The following VPS45 variants were observed in gnomAD, a reference collection of about 807,000 sequenced individuals.
The protein encoded by VPS45 is vacuolar protein sorting 45 homolog.
Under a neutral mutation model 75.9 loss-of-function variants are expected in VPS45, and 35 were observed. The observed-to-expected ratio is 0.46, with a 90% CI of 0.35 to 0.61. The LOEUF is 0.61. VPS45 is among the 20% of genes least tolerant of loss of function. The pLI, the probability that VPS45 is intolerant of heterozygous loss-of-function variation, is 0.00. For synonymous variants in VPS45, 220 were observed against 238.2 expected, an observed-to-expected ratio of 0.92 and a Z score of 0.70; for missense variants, 559 against 685.9, an observed-to-expected ratio of 0.81 and a Z score of 2.07.
At chr1:150,103,956 A>T (rs1387574682) in intron 13 of VPS45, among the ~76,000 whole-genome samples, 2 of 152,186 alleles carry the variant, frequency 1.3e-5, no homozygotes, top group Non-Finnish European at 2.9e-5. Context: ...TCATTTATTT[A>T]CTTAAGTAAA....
At chr1:150,081,585 TA>T (rs1352635784) in intron 8 of VPS45, 109 bp downstream of exon 8, 7 of 1,275,176 alleles carry the variant, frequency 5.5e-6, no homozygotes, top group Non-Finnish European at 6.5e-6. Flanking sequence ...GAAAGGATGA[TA>T]GGGGCATCCT....
Position 150,068,728 on chromosome 1 carries a change from A to T in VPS45, c.192A>T (p.Lys64Asn), listed in dbSNP as rs1441537795. The change falls in exon 2 of 15, where the codon AAA becomes AAT. Residue 64 changes from lysine to asparagine, a missense_variant. Transcript: ENST00000644510. ...ATTCTCAAAATCGAGAGATCATGAA[A>T]CACCTGAAGGCAATTTGTTTTCTTC... Reference protein sequence around the residue: ...RIDSQNREIMKHLKAICFLRP... With the variant: ...RIDSQNREIMNHLKAICFLRP... 1 of 1,612,650 alleles carries T rather than the reference A, an allele frequency of 6.2e-7. No individual in the cohort carries two copies. The highest frequency in any genetic ancestry group is 1.3e-5 in the African/African-American group (1 of 74,836).
intron 12 of VPS45, among the ~76,000 whole-genome samples, chr1:150,092,835 TTC>T (rs1571850669): frequency 1.0e-5 from 1 of 97,362 alleles, no homozygotes; most frequent in East Asian, 3.0e-4. Flanking sequence ...CTGCTAGCCT[TTC>T]TTTTTTTTTT....
intron 14 of VPS45, among the ~76,000 whole-genome samples, chr1:150,128,002 A>T (rs1317886655): frequency 1.3e-5 from 2 of 152,136 alleles, no homozygotes; most frequent in African/African-American, 4.8e-5. Context: ...TTGCTCTTTG[A>T]GTAAAAATGA....
rs782642796 is a variant in VPS45, at chr1:150,110,596, C to T, written c.1594C>T (p.Leu532=). The change falls in exon 14 of 15, where the codon CTG becomes TTG. Residue 532 remains leucine (L), a synonymous_variant. Transcript: ENST00000644510. Reference sequence around the variant, plus strand: ...CACCACTCCTGGAGTGAGGATTGTCCTGGGAGGCACCACAGTGCACAACAC... The same window carrying T: ...CACCACTCCTGGAGTGAGGATTGTCTTGGGAGGCACCACAGTGCACAACAC... The part of the protein sequence containing the change: ...NRTTPGVRIV[L]GGTTVHNTKS... 5 of 1,613,400 alleles carry T rather than the reference C, an allele frequency of 3.1e-6. No homozygotes were observed. The highest frequency in any genetic ancestry group is 4.2e-6 in the Non-Finnish European group (5 of 1,179,550).
Position 150,138,045 on chromosome 1 carries a change from C to T in VPS45, c.1626-6664C>T, listed in dbSNP as rs144246521. On this transcript the variant is annotated intron_variant, in intron 14 of 14. Transcript: ENST00000644510. ...GTGTTCTCTTTCATGGGAAAATTCT[C>T]CAAGAGTTGTTTACACTCACTGTCT... is the stretch of plus-strand genomic sequence containing the variant. Among the ~76,000 whole-genome samples the T allele has an allele frequency of 2.0e-3, 297 of 152,128 alleles. 1 individual carries two copies. Among genetic ancestry groups the T allele is most frequent in the African/African-American group, 7.0e-3 (290 of 41,518 alleles).
At chr1:150,067,500 A>T (rs1654782199), upstream of VPS45, 3 of 252,090 alleles carry the variant, frequency 1.2e-5, no homozygotes, top group East Asian at 2.2e-4. Flanking sequence ...CAGGTTCCTC[A>T]TTTCGCGAGG....
chr1:150,096,572 A>G (rs1305177551), intron 13 of VPS45, among the ~76,000 whole-genome samples: 1 of 152,196 alleles, frequency 6.6e-6, no homozygotes, highest in African/African-American at 2.4e-5. Flanking sequence ...AGTCACTGAC[A>G]ATCTTGAAAA....
chr1:150,110,690 C>A, intron 14 of VPS45, 63 bp downstream of exon 14: 1 of 1,473,290 alleles, frequency 6.8e-7, no homozygotes, highest in Non-Finnish European at 9.1e-7. Context: ...CTTAAATTCC[C>A]TTTATGTTGG....
At chr1:150,113,844 G>A (rs113897387) in intron 14 of VPS45, among the ~76,000 whole-genome samples, 16,097 of 151,940 alleles carry the variant, frequency 0.11, 1,198 homozygotes, top group Non-Finnish European at 0.17. Flanking sequence ...GCAGTGAGCC[G>A]AAATCATGCC....
chr1:150,094,595 G>A (rs1656521016), intron 13 of VPS45, among the ~76,000 whole-genome samples: 1 of 152,058 alleles, frequency 6.6e-6, no homozygotes, highest in Admixed American at 6.6e-5. Flanking sequence ...AGAACATTTG[G>A]TGTTAAATTC....
At chr1:150,110,683 A>T (rs1394743605) in intron 14 of VPS45, 56 bp downstream of exon 14, 15 of 1,507,790 alleles carry the variant, frequency 9.9e-6, no homozygotes, top group Admixed American at 2.0e-5. Flanking sequence ...GATAAAGCTT[A>T]AATTCCCTTT....
intron 10 of VPS45, among the ~76,000 whole-genome samples, chr1:150,083,666 A>G (rs748854388): frequency 1.3e-3 from 188 of 148,354 alleles, no homozygotes; most frequent in Non-Finnish European, 2.2e-3. Context: ...ATATATATAT[A>G]TATTTTCTAT....
chr1:150,100,981 A>G (rs1299049373), intron 13 of VPS45, among the ~76,000 whole-genome samples: 1 of 152,212 alleles, frequency 6.6e-6, no homozygotes, highest in Non-Finnish European at 1.5e-5. Context: ...AGCATCTATA[A>G]AGAACTTAAA....
At position 150,077,750 on chromosome 1, in the gene VPS45, G is replaced by C. The variant is rs1175122293; in HGVS notation, c.658G>C (p.Asp220His). The change falls in exon 7 of 15, where the codon GAT (aspartate) becomes CAT (histidine). Residue 220 changes from aspartate (D) to histidine (H), a missense_variant. Coordinates refer to ENST00000644510, the MANE Select transcript of VPS45 (RefSeq NM_007259.5). ...PPLLLILDRC[D>H]DAITPLLNQW... ...ATTGCTCCTTATTTTAGATCGCTGTGATGATGCCATCACCCCATTGCTAAA... is the reference window on the plus strand; with the variant it reads ...ATTGCTCCTTATTTTAGATCGCTGTCATGATGCCATCACCCCATTGCTAAA... 6 of 1,613,828 alleles carry C rather than the reference G, an allele frequency of 3.7e-6. No homozygotes were observed. The highest frequency in any genetic ancestry group is 5.1e-6 in the Non-Finnish European group (6 of 1,179,946).
intron 14 of VPS45, among the ~76,000 whole-genome samples, chr1:150,121,325 A>G (rs902660558): frequency 6.6e-6 from 1 of 152,158 alleles, no homozygotes; most frequent in Non-Finnish European, 1.5e-5. Context: ...AATTACAGAG[A>G]CTTCTTTAAA....
intron 14 of VPS45, among the ~76,000 whole-genome samples, chr1:150,143,705 A>G (rs1439839475): frequency 6.6e-6 from 1 of 152,210 alleles, no homozygotes; most frequent in African/African-American, 2.4e-5. Flanking sequence ...GTAGTTGGGC[A>G]TGGATGGCAT....
chr1:150,094,455 T>C (rs192539401), intron 13 of VPS45, among the ~76,000 whole-genome samples: 1 of 152,276 alleles, frequency 6.6e-6, no homozygotes, highest in African/African-American at 2.4e-5. Context: ...AAAAATGTTT[T>C]GAGATACATA....
At chr1:150,069,778 T>G (rs1654939635) in intron 2 of VPS45, among the ~76,000 whole-genome samples, 1 of 152,160 alleles carries the variant, frequency 6.6e-6, no homozygotes, top group Non-Finnish European at 1.5e-5. Flanking sequence ...TGATTCATAT[T>G]CATGTTCTTC....
Sources: allele counts gnomAD v4.1 joint callset (sites outside exome capture counted in the v4.1 genomes callset), GRCh38; gene constraint gnomAD v4.1.1; transcripts MANE v1.5; gene names NCBI Gene and HGNC (gene_info 2026-07-23, HGNC 2026-07-21).